The following APBA2 variants were observed in gnomAD, a reference collection of about 807,000 sequenced individuals.
APBA2 encodes the protein amyloid-beta A4 precursor protein-binding family A member 2.
A neutral mutation model predicts 75.0 loss-of-function variants in APBA2; 30 were observed. The observed-to-expected ratio is 0.40, with a 90% CI of 0.30 to 0.54. APBA2 has a LOEUF of 0.54. APBA2 is among the 20% of genes least tolerant of loss of function. APBA2 has a pLI of 0.49. For synonymous variants in APBA2, 444 were observed against 409.6 expected (o/e 1.08, Z -1.01); for missense variants, 801 against 1,016.1 (o/e 0.79, Z 2.88).
intron 2 of APBA2, among the ~76,000 whole-genome samples, chr15:28,928,989 G>A (rs1014994622): frequency 7.2e-5 from 11 of 152,168 alleles, no homozygotes; most frequent in African/African-American, 2.2e-4. Flanking sequence ...AGATTTCAGG[G>A]GGGCGGGTTG....
chr15:29,111,015 G>T (rs1177623507), intron 13 of APBA2, among the ~76,000 whole-genome samples: 1 of 152,120 alleles, frequency 6.6e-6, no homozygotes, highest in Non-Finnish European at 1.5e-5. Context: ...GTGCGGAAGG[G>T]GGTTTCTCAG....
intron 3 of APBA2, among the ~76,000 whole-genome samples, chr15:29,001,800 C>A (rs781605741): frequency 6.6e-6 from 1 of 152,176 alleles, no homozygotes; most frequent in Non-Finnish European, 1.5e-5. Context: ...AATTCATCAA[C>A]ACCCTTTTTT....
At chr15:28,907,505 A>G (rs1433688150) in intron 1 of APBA2, among the ~76,000 whole-genome samples, 1 of 152,178 alleles carries the variant, frequency 6.6e-6, no homozygotes, top group African/African-American at 2.4e-5. Context: ...GGAGCCAGGC[A>G]GAGCAGCTGT....
At chr15:28,945,652 G>A (rs1202786504) in intron 2 of APBA2, among the ~76,000 whole-genome samples, 2 of 151,890 alleles carry the variant, frequency 1.3e-5, no homozygotes, top group Non-Finnish European at 2.9e-5. Flanking sequence ...CTGAGTAACT[G>A]GGATTACAGG....
chr15:29,111,189 C>G (rs2044709577), intron 13 of APBA2, among the ~76,000 whole-genome samples: 1 of 151,712 alleles, frequency 6.6e-6, no homozygotes, highest in Non-Finnish European at 1.5e-5. Context: ...GGTCTGAGTT[C>G]CGGAGTGATG....
In APBA2 at chr15:29,108,325, C is replaced by T; in HGVS notation, c.1973C>T (p.Thr658Ile). 6.2e-7 allele frequency: 1 copy of T among 1,614,094 alleles called. No homozygotes were observed. The highest frequency in any genetic ancestry group is 8.5e-7 in the Non-Finnish European group (1 of 1,180,034). ...KLNIVSCPPV[T>I]TVLIKRPDLK... ...AACATTGTCAGCTGTCCCCCGGTCACCACGGTCCTTATCAAGCGGCCAGAC... is the reference window on the plus strand; with the variant it reads ...AACATTGTCAGCTGTCCCCCGGTCATCACGGTCCTTATCAAGCGGCCAGAC... The change falls in exon 13 of 15, where the codon ACC becomes ATC. Residue 658 changes from threonine to isoleucine, a missense_variant. This residue lies in a region of APBA2 where 367 missense variants were observed against 544.5 expected (regional missense o/e 0.67). Transcript: ENST00000683413.
At chr15:28,908,958 C>T (rs1382147481) in intron 1 of APBA2, among the ~76,000 whole-genome samples, 2 of 151,578 alleles carry the variant, frequency 1.3e-5, no homozygotes, top group Admixed American at 1.3e-4. Context: ...CCACCTCCCC[C>T]AGCCCCCGGC....
intron 2 of APBA2, among the ~76,000 whole-genome samples, chr15:28,940,470 G>A (rs2035148638): frequency 8.5e-6 from 1 of 117,674 alleles, no homozygotes; most frequent in South Asian, 3.1e-4. Context: ...GTGAACCCGG[G>A]TGAACCCGGG....
chr15:28,967,616 T>A (rs927441603), intron 2 of APBA2, among the ~76,000 whole-genome samples: 4 of 152,056 alleles, frequency 2.6e-5, no homozygotes, highest in African/African-American at 9.7e-5. Context: ...TTTTTTGTAT[T>A]TTTAGTAGAG....
intron 6 of APBA2, among the ~76,000 whole-genome samples, chr15:29,080,786 G>A (rs749854831): frequency 6.6e-6 from 1 of 152,146 alleles, no homozygotes; most frequent in Non-Finnish European, 1.5e-5. Flanking sequence ...AAACCAAAAG[G>A]CTGATGTTAG....
At chr15:28,950,231 T>G (rs182047074) in intron 2 of APBA2, among the ~76,000 whole-genome samples, 2 of 152,248 alleles carry the variant, frequency 1.3e-5, no homozygotes, top group Non-Finnish European at 2.9e-5. Context: ...AGCACCATTT[T>G]CAACATACAT....
At chr15:29,088,063 C>T (rs931814034) in intron 6 of APBA2, among the ~76,000 whole-genome samples, 2 of 152,178 alleles carry the variant, frequency 1.3e-5, no homozygotes, top group Non-Finnish European at 2.9e-5. Context: ...CACCTCTCAG[C>T]CCCCTCTCTG....
At chr15:28,993,355 G>A (rs573221553) in intron 2 of APBA2, among the ~76,000 whole-genome samples, 2 of 152,344 alleles carry the variant, frequency 1.3e-5, no homozygotes, top group African/African-American at 4.8e-5. Flanking sequence ...GCATGGAAAC[G>A]AAAATGAATA....
intron 10 of APBA2, among the ~76,000 whole-genome samples, chr15:29,103,403 T>C (rs1004555749): frequency 3.3e-5 from 5 of 152,204 alleles, no homozygotes; most frequent in Admixed American, 6.5e-5. Context: ...GCTGGGCTCC[T>C]GGACTCACAG....
At chr15:28,889,466 C>G (rs1451369777) in intron 1 of APBA2, among the ~76,000 whole-genome samples, 1 of 152,352 alleles carries the variant, frequency 6.6e-6, no homozygotes, top group African/African-American at 2.4e-5. Context: ...CAGTGGCTTT[C>G]CAGTGCTCCC....
chr15:29,098,507 C>T lies in APBA2; in HGVS notation c.1269C>T (p.Ala423=). 1 of 1,614,004 alleles carries T rather than the reference C, an allele frequency of 6.2e-7. No individual in the cohort carries two copies. Among genetic ancestry groups the T allele is most frequent in the Non-Finnish European group, 8.5e-7 (1 of 1,179,938 alleles). The change falls in exon 9 of 15, where the codon GCC becomes GCT. Residue 423 remains alanine, a synonymous_variant. Coordinates refer to ENST00000683413, the MANE Select transcript of APBA2 (RefSeq NM_001353788.2). The part of the protein sequence containing the change: ...IKKKANSEGD[A]QTLTEVDLFI... ...CTTCTTAGAATTCTGAGGGGGATGC[C>T]CAGACGCTGACGGAAGTGGACCTCT...
At chr15:29,087,308 C>T (rs1300254673) in intron 6 of APBA2, among the ~76,000 whole-genome samples, 4 of 152,094 alleles carry the variant, frequency 2.6e-5, no homozygotes, top group Non-Finnish European at 4.4e-5. Flanking sequence ...GTCATTCTCC[C>T]CACTGCAAGG....
Position 29,117,136 on chromosome 15 carries a change from C to T in APBA2, c.*3C>T. On this transcript the variant is annotated 3_prime_UTR_variant, in exon 15 of 15. Transcript: ENST00000683413. ...AGGAGACCCCGCTGTACATCTAGGC[C>T]ACCCCAGCCTGGCCACGCAGCCAGG... 1.2e-6 allele frequency: 2 copies of T among 1,612,830 alleles called. No homozygotes were observed. Among genetic ancestry groups the T allele is most frequent in the Non-Finnish European group, 8.5e-7 (1 of 1,179,720 alleles).
chr15:29,103,849 C>T (rs1595978346), intron 10 of APBA2, among the ~76,000 whole-genome samples: 2 of 152,208 alleles, frequency 1.3e-5, no homozygotes, highest in Admixed American at 6.5e-5. Flanking sequence ...CCGACCCTCT[C>T]CTGCGCGGGC....
Sources: gnomAD v4.1 joint callset for allele counts (sites outside exome capture counted in the v4.1 genomes callset) on GRCh38, gnomAD v4.1.1 for gene constraint, gnomAD v4.1.1 regional missense constraint, MANE v1.5 for transcripts, NCBI Gene and HGNC (gene_info 2026-07-23, HGNC 2026-07-21) for gene names.